The following NCKAP5 variants were observed in gnomAD, a reference collection of about 807,000 sequenced individuals.
The protein encoded by NCKAP5 is NCK associated protein 5, also known as nck-associated protein 5.
A neutral mutation model predicts 167.0 loss-of-function variants in NCKAP5; 92 were observed. The ratio of observed to expected loss-of-function variants is 0.55; its 90% confidence interval spans 0.47 to 0.66. The LOEUF is 0.66. NCKAP5 is among the 30% of genes least tolerant of loss of function. The pLI, the probability that NCKAP5 is intolerant of heterozygous loss-of-function variation, is 0.00. For synonymous variants in NCKAP5, 891 were observed against 877.4 expected, an observed-to-expected ratio of 1.02 and a Z score of -0.27; for missense variants, 2,378 against 2,315.0, an observed-to-expected ratio of 1.03 and a Z score of -0.56.
chr2:133,546,010 T>C (rs1431030809), intron 2 of NCKAP5, among the ~76,000 whole-genome samples: 1 of 152,186 alleles, frequency 6.6e-6, no homozygotes, highest in Non-Finnish European at 1.5e-5. Flanking sequence ...AAAATAATAG[T>C]CTGGTTTTGT....
chr2:132,854,140 A>T (rs1689285061), intron 11 of NCKAP5, among the ~76,000 whole-genome samples: 1 of 152,238 alleles, frequency 6.6e-6, no homozygotes, highest in South Asian at 2.1e-4. Context: ...ATAAAGGCCA[A>T]ATCAAGCAAG....
At chr2:133,065,360 C>T (rs2080155439) in intron 6 of NCKAP5, among the ~76,000 whole-genome samples, 1 of 152,198 alleles carries the variant, frequency 6.6e-6, no homozygotes, top group Non-Finnish European at 1.5e-5. Flanking sequence ...GGCATGGTGG[C>T]TTATGCCTAT....
chr2:133,477,449 A>G (rs763395750), intron 3 of NCKAP5, among the ~76,000 whole-genome samples: 1 of 152,174 alleles, frequency 6.6e-6, no homozygotes, highest in Non-Finnish European at 1.5e-5. Flanking sequence ...TGACTTACAT[A>G]TCTTCCACTT....
chr2:132,791,182 C>CT (rs777113013), intron 12 of NCKAP5, among the ~76,000 whole-genome samples: 1 of 152,238 alleles, frequency 6.6e-6, no homozygotes, highest in Non-Finnish European at 1.5e-5. Context: ...TGGCATCATA[C>CT]TAAGTCCACA....
At chr2:133,096,180 C>A (rs578078367) in intron 6 of NCKAP5, among the ~76,000 whole-genome samples, 2 of 152,090 alleles carry the variant, frequency 1.3e-5, no homozygotes, top group Non-Finnish European at 2.9e-5. Flanking sequence ...GCAGTGTTGG[C>A]AAACCTGATA....
intron 3 of NCKAP5, among the ~76,000 whole-genome samples, chr2:133,478,605 A>G (rs201858578): frequency 6.6e-6 from 1 of 152,172 alleles, no homozygotes; most frequent in East Asian, 1.9e-4. Flanking sequence ...GCTCATGCAG[A>G]TGCTATAACA....
At chr2:132,708,670 G>A (rs952657496) in intron 19 of NCKAP5, among the ~76,000 whole-genome samples, 2 of 152,176 alleles carry the variant, frequency 1.3e-5, no homozygotes, top group African/African-American at 4.8e-5. Context: ...GGCTGGCTTC[G>A]CCACCTGCTG....
intron 3 of NCKAP5, among the ~76,000 whole-genome samples, chr2:133,313,788 A>C (rs1004503251): frequency 5.9e-5 from 9 of 152,232 alleles, no homozygotes; most frequent in Non-Finnish European, 4.4e-5. Flanking sequence ...TGACATAATT[A>C]GAAGAGTCCT....
At chr2:133,489,241 G>T (rs748621888) in intron 3 of NCKAP5, among the ~76,000 whole-genome samples, 6 of 152,214 alleles carry the variant, frequency 3.9e-5, no homozygotes, top group Non-Finnish European at 8.8e-5. Flanking sequence ...ATACTTATCT[G>T]AAATGAGGAA....
At chr2:133,289,942 A>G (rs1408864453) in intron 4 of NCKAP5, among the ~76,000 whole-genome samples, 1 of 152,150 alleles carries the variant, frequency 6.6e-6, no homozygotes, top group Admixed American at 6.5e-5. Flanking sequence ...ACCAGATCTC[A>G]TGAGAACTCA....
intron 4 of NCKAP5, among the ~76,000 whole-genome samples, chr2:133,280,205 T>C (rs1426018165): frequency 1.3e-5 from 2 of 152,176 alleles, no homozygotes; most frequent in African/African-American, 4.8e-5. Flanking sequence ...TTCTCCCTCA[T>C]GTACACACAT....
intron 4 of NCKAP5, among the ~76,000 whole-genome samples, chr2:133,243,680 C>A (rs1331225233): frequency 6.6e-6 from 1 of 152,202 alleles, no homozygotes; most frequent in African/African-American, 2.4e-5. Context: ...TTGATTGATA[C>A]TATGGATTTA....
intron 2 of NCKAP5, among the ~76,000 whole-genome samples, chr2:133,521,592 CTCCT>C (rs748896226): frequency 1.3e-5 from 2 of 152,238 alleles, no homozygotes; most frequent in Non-Finnish European, 2.9e-5. Context: ...TGAGGCCTCT[CTCCT>C]TGTCTTGCAG....
At chr2:132,684,904 G>A (rs548667152) in intron 19 of NCKAP5, among the ~76,000 whole-genome samples, 35 of 152,296 alleles carry the variant, frequency 2.3e-4, no homozygotes, top group African/African-American at 8.4e-4. Flanking sequence ...AAGGGAAGGA[G>A]GGCAGGCAGG....
At chr2:133,345,974 C>A (rs191727555) in intron 3 of NCKAP5, among the ~76,000 whole-genome samples, 43 of 152,252 alleles carry the variant, frequency 2.8e-4, no homozygotes, top group African/African-American at 9.9e-4. Flanking sequence ...TTGAGGACAG[C>A]AAGAAGCAGC....
chr2:133,006,730 T>A (rs910266366), intron 6 of NCKAP5, among the ~76,000 whole-genome samples: 1 of 152,258 alleles, frequency 6.6e-6, no homozygotes, highest in South Asian at 2.1e-4. Flanking sequence ...GTAGCCGGTG[T>A]TAATCTGTTG....
intron 8 of NCKAP5, among the ~76,000 whole-genome samples, chr2:132,881,318 G>A (rs1471660553): frequency 6.6e-6 from 1 of 151,852 alleles, no homozygotes; most frequent in Non-Finnish European, 1.5e-5. Context: ...GGGATTACAG[G>A]TGACCACCAC....
chr2:133,166,666 A>G (rs992988228), intron 5 of NCKAP5, among the ~76,000 whole-genome samples: 7 of 152,170 alleles, frequency 4.6e-5, no homozygotes, highest in African/African-American at 9.7e-5. Context: ...AAAATCCTTA[A>G]GCTTAGAGAA....
chr2:132,919,797 T>C (rs1695170640), intron 8 of NCKAP5, among the ~76,000 whole-genome samples: 1 of 152,122 alleles, frequency 6.6e-6, no homozygotes, highest in African/African-American at 2.4e-5. Context: ...TCTAGGGAAA[T>C]TTAGGGCTTA....
Sources: gnomAD v4.1 joint callset for allele counts (sites outside exome capture counted in the v4.1 genomes callset) on GRCh38, gnomAD v4.1.1 for gene constraint, MANE v1.5 for transcripts, NCBI Gene and HGNC (gene_info 2026-07-23, HGNC 2026-07-21) for gene names.